Variants in RARB observed in about 807,000 individuals in gnomAD.
RARB encodes HBV-activated protein.
In RARB, 17 loss-of-function variants were observed where a neutral mutation model predicts 51.9. The observed-to-expected ratio is 0.33, with a 90% CI of 0.22 to 0.49. RARB has a LOEUF of 0.49. Among genes scored for constraint, RARB ranks in the 20% least tolerant of loss-of-function variants. The pLI is 0.99. For missense variants in RARB, 369 were observed against 550.8 expected, an observed-to-expected ratio of 0.67 and a Z score of 3.30; for synonymous variants, 215 against 195.4, an observed-to-expected ratio of 1.10 and a Z score of -0.84.
At chr3:25,202,766 G>A (rs1228651748) in intron 5 of RARB, among the ~76,000 whole-genome samples, 7 of 152,162 alleles carry the variant, frequency 4.6e-5, no homozygotes, top group Non-Finnish European at 8.8e-5. Context: ...TCTTAATCCT[G>A]AGTTCTAGTT....
rs532899578 is a variant in RARB, at chr3:25,193,736, T to C, written c.178+19161T>C. Among the ~76,000 whole-genome samples, 5 of 152,100 alleles carry C rather than the reference T, an allele frequency of 3.3e-5. No homozygotes were observed. The South Asian group carries it at 1.0e-3, about 32-fold the overall frequency. ...ATTTTTTTCTATTGTGTATGTAGAT[T>C]GTTGTTTTTCAGAGAAAGAAAATGT... On this transcript the variant is annotated intron_variant, in intron 5 of 11. Coordinates refer to the RARB transcript ENST00000383772.
intron 3 of RARB, among the ~76,000 whole-genome samples, chr3:25,115,028 A>T (rs747998530): frequency 6.6e-6 from 1 of 152,174 alleles, no homozygotes; most frequent in Admixed American, 6.5e-5. Flanking sequence ...TTAAAAAATC[A>T]TTTCTTTATT....
At chr3:24,836,771 C>T (rs892561977) in intron 1 of RARB, among the ~76,000 whole-genome samples, 4 of 152,026 alleles carry the variant, frequency 2.6e-5, no homozygotes, top group African/African-American at 9.7e-5. Flanking sequence ...GAGGATTTAC[C>T]GTTTTAATGA....
chr3:24,882,832 G>A (rs769161156), intron 2 of RARB, among the ~76,000 whole-genome samples: 8 of 152,128 alleles, frequency 5.3e-5, no homozygotes, highest in South Asian at 2.1e-4. Flanking sequence ...GGGAAATCCC[G>A]TTCTCCTAAC....
At chr3:24,887,129 A>C (rs1703282447) in intron 2 of RARB, among the ~76,000 whole-genome samples, 2 of 152,224 alleles carry the variant, frequency 1.3e-5, no homozygotes, top group African/African-American at 4.8e-5. Flanking sequence ...CATCAATTAC[A>C]AAATAGTCTA....
chr3:25,054,524 A>G lies in RARB; in HGVS notation c.-379-5601A>G, dbSNP rs75837681. Among the ~76,000 whole-genome samples, 639 of 152,312 alleles carry G rather than the reference A, an allele frequency of 4.2e-3. 2 individuals are homozygous for G. The highest frequency in any genetic ancestry group is 0.015 in the African/African-American group (608 of 41,588). On this transcript the variant is annotated intron_variant, in intron 2 of 11. Coordinates refer to the RARB transcript ENST00000383772. ...CTTTGTATATCTGGATTTGAAAGGC[A>G]GAAAGCTACTTCAGACAGAAGGCAC...
intron 5 of RARB, among the ~76,000 whole-genome samples, chr3:25,262,715 G>T (rs1310290199): frequency 6.6e-6 from 1 of 152,162 alleles, no homozygotes; most frequent in African/African-American, 2.4e-5. Flanking sequence ...AAATCCAGGA[G>T]AATCTTCCTA....
intron 1 of RARB, among the ~76,000 whole-genome samples, chr3:25,438,653 T>C (rs888738541): frequency 4.6e-5 from 7 of 152,168 alleles, no homozygotes; most frequent in Non-Finnish European, 8.8e-5. Flanking sequence ...TCAAGTCCCA[T>C]GAAAGGCTTT....
intron 3 of RARB, among the ~76,000 whole-genome samples, chr3:25,556,497 A>G (rs1700065869): frequency 1.3e-5 from 2 of 152,230 alleles, no homozygotes; most frequent in Admixed American, 1.3e-4. Context: ...CTTGTTACCA[A>G]CACTAATCTT....
At chr3:25,346,710 T>C (rs1705405945) in intron 5 of RARB, among the ~76,000 whole-genome samples, 1 of 152,164 alleles carries the variant, frequency 6.6e-6, no homozygotes, top group South Asian at 2.1e-4. Context: ...GACATAGCTG[T>C]TTGGACAAGG....
intron 2 of RARB, among the ~76,000 whole-genome samples, chr3:25,463,661 CAAA>C (rs200673086): frequency 2.5e-5 from 3 of 120,454 alleles, no homozygotes; most frequent in Non-Finnish European, 1.8e-5. Flanking sequence ...GACTCCATCT[CAAA>C]AAAAAAAAAA....
intron 3 of RARB, among the ~76,000 whole-genome samples, chr3:25,094,171 G>A (rs1197349968): frequency 1.3e-5 from 2 of 152,106 alleles, no homozygotes; most frequent in Non-Finnish European, 2.9e-5. Context: ...GTTTACAGTT[G>A]TCTGTTACTT....
At chr3:24,927,983 A>G (rs1419355577) in intron 2 of RARB, among the ~76,000 whole-genome samples, 1 of 152,100 alleles carries the variant, frequency 6.6e-6, no homozygotes, top group Admixed American at 6.6e-5. Flanking sequence ...TCTTTGTACA[A>G]TGTGATTGCT....
chr3:25,210,943 A>G (rs1012037250), intron 5 of RARB, among the ~76,000 whole-genome samples: 1 of 152,142 alleles, frequency 6.6e-6, no homozygotes, highest in South Asian at 2.1e-4. Context: ...CTTCTGGTCC[A>G]GACACTTATT....
At chr3:25,130,951 T>TTGATAATATTATCAATATTTATC (rs1559477590) in intron 3 of RARB, among the ~76,000 whole-genome samples, 2 of 80,552 alleles carry the variant, frequency 2.5e-5, no homozygotes, top group African/African-American at 1.0e-4. Flanking sequence ...CAATATTTAT[T>TTGATAATATTATCAATATTTATC]ATTGATAATA....
intron 2 of RARB, among the ~76,000 whole-genome samples, chr3:24,888,686 T>C (rs1406277904): frequency 6.6e-6 from 1 of 152,298 alleles, no homozygotes; most frequent in African/African-American, 2.4e-5. Context: ...TTTATAATGA[T>C]GGAAAATAAA....
At position 25,453,478 on chromosome 3, in the gene RARB, C is replaced by A. The variant is rs1709288096; in HGVS notation, c.158-7715C>A. Among the ~76,000 whole-genome samples, 4 of 152,112 alleles carry A rather than the reference C, an allele frequency of 2.6e-5. No homozygotes were observed. In the South Asian group the frequency reaches 8.3e-4, roughly 32 times the overall value. On this transcript the variant is annotated intron_variant, in intron 1 of 7. Transcript: ENST00000330688. ...GTCAGGCTGGTCTTGAACTCCCGAC[C>A]TCAGGTGATCTTCCCACCTTGGATT...
intron 2 of RARB, among the ~76,000 whole-genome samples, chr3:24,888,311 C>A (rs10865801): frequency 0.37 from 55,998 of 152,026 alleles, 12,478 homozygotes; most frequent in Non-Finnish European, 0.49. Context: ...TTTGTTAAAA[C>A]CTCATAACCC....
intron 2 of RARB, among the ~76,000 whole-genome samples, chr3:25,487,832 T>C (rs1175687502): frequency 3.3e-5 from 5 of 152,254 alleles, no homozygotes; most frequent in African/African-American, 1.2e-4. Context: ...CGTCATGCTC[T>C]GTTCTAATGT....
Sources: allele counts gnomAD v4.1 joint callset (sites outside exome capture counted in the v4.1 genomes callset), GRCh38; gene constraint gnomAD v4.1.1; transcripts MANE v1.5; gene names NCBI Gene and HGNC (gene_info 2026-07-23, HGNC 2026-07-21).